KLHL5: variants seen among roughly 807,000 people sequenced by gnomAD.
The protein encoded by KLHL5 is kelch-like protein 5.
A neutral mutation model predicts 77.7 loss-of-function variants in KLHL5; 48 were observed. The ratio of observed to expected loss-of-function variants is 0.62; its 90% confidence interval spans 0.49 to 0.79. The LOEUF (loss-of-function observed/expected upper bound fraction) is 0.79, where lower values mean the gene tolerates loss of function less well. Ranked by LOEUF, KLHL5 falls within the 30% of genes least tolerant of loss-of-function variation. KLHL5 has a pLI of 0.00. For synonymous variants in KLHL5, 260 were observed against 297.0 expected (o/e 0.88, Z 1.28); for missense variants, 723 against 859.7 (o/e 0.84, Z 1.99).
intron 10 of KLHL5, among the ~76,000 whole-genome samples, chr4:39,117,888 G>A (rs924060493): frequency 6.6e-6 from 1 of 151,782 alleles, no homozygotes; most frequent in African/African-American, 2.4e-5. Context: ...CAGCATGGCC[G>A]ACATGGTGAA....
At chr4:39,107,909 T>A (rs1722170444) in intron 8 of KLHL5, among the ~76,000 whole-genome samples, 178 bp downstream of exon 8, 3 of 152,128 alleles carry the variant, frequency 2.0e-5, no homozygotes, top group South Asian at 2.1e-4. Flanking sequence ...AGCTAGGCTT[T>A]CATTTTAATG....
chr4:39,094,712 A>G (rs1003621226), intron 5 of KLHL5, among the ~76,000 whole-genome samples: 1 of 152,046 alleles, frequency 6.6e-6, no homozygotes, highest in Non-Finnish European at 1.5e-5. Context: ...TTTGAGATCT[A>G]TTTATGAGAA....
At chr4:39,093,142 G>C (rs1200496625) in intron 5 of KLHL5, 1 of 455,832 alleles carries the variant, frequency 2.2e-6, no homozygotes, top group Non-Finnish European at 4.4e-6. Context: ...AAAATGAGGA[G>C]TACCCCGATG....
chr4:39,095,421 C>T (rs1159241429), intron 5 of KLHL5, among the ~76,000 whole-genome samples: 2 of 152,054 alleles, frequency 1.3e-5, no homozygotes. Flanking sequence ...CACATAGACA[C>T]ACACAGATAC....
intron 1 of KLHL5, among the ~76,000 whole-genome samples, chr4:39,056,644 T>A (rs1458617960): frequency 1.3e-5 from 2 of 152,210 alleles, no homozygotes; most frequent in Non-Finnish European, 2.9e-5. Flanking sequence ...GTTCACACTT[T>A]AAATTTCCGG....
intron 1 of KLHL5, among the ~76,000 whole-genome samples, chr4:39,072,138 G>A (rs1324785953): frequency 6.6e-6 from 1 of 150,938 alleles, no homozygotes; most frequent in African/African-American, 2.5e-5. Flanking sequence ...ATGATGCCAG[G>A]GATCATTTTT....
At chr4:39,079,076 G>A (rs1040743580) in intron 2 of KLHL5, among the ~76,000 whole-genome samples, 6 of 152,044 alleles carry the variant, frequency 3.9e-5, no homozygotes, top group South Asian at 4.1e-4. Context: ...ATTTCAACCC[G>A]AATTTCATAG....
At chr4:39,115,736 T>C (rs1345360699) in intron 10 of KLHL5, 1 of 1,130,620 alleles carries the variant, frequency 8.8e-7, no homozygotes. Flanking sequence ...CCCATTGATA[T>C]CTGGGAGCAG....
chr4:39,096,624 T>C, intron 5 of KLHL5, 68 bp from the exon 6 acceptor site: 2 of 1,089,448 alleles, frequency 1.8e-6, no homozygotes, highest in South Asian at 1.8e-5. Flanking sequence ...GAGAACTATG[T>C]CATTTTTTTC....
chr4:39,072,711 T>C (rs1326525551), intron 1 of KLHL5, among the ~76,000 whole-genome samples: 1 of 152,128 alleles, frequency 6.6e-6, no homozygotes, highest in Non-Finnish European at 1.5e-5. Context: ...CCTCCTTAAT[T>C]CTCTTTTCCT....
In KLHL5 at chr4:39,115,510, C is replaced by T. The variant is rs796801888; in HGVS notation, c.2073+180C>T. On this transcript the variant is annotated intron_variant, in intron 10 of 10. Transcript: ENST00000504108. ...TTAATTTTATAACATAATTAAAATC[C>T]AGAATTACCTTTGAGATGTAAGTTA... The T allele has an allele frequency of 1.1e-5, 16 of 1,485,190 alleles. No homozygotes were observed. In the South Asian group the frequency reaches 2.1e-4, roughly 20 times the overall value. The allele number at this position is 1,485,190 out of a possible 1,614,324, so 92.0% of individuals were successfully genotyped here. A position where few individuals can be genotyped will look rare whatever the true frequency, so the allele number is the denominator to read the frequency against.
intron 2 of KLHL5, among the ~76,000 whole-genome samples, chr4:39,079,035 A>G (rs1719362584): frequency 6.6e-6 from 1 of 152,248 alleles, no homozygotes; most frequent in South Asian, 2.1e-4. Flanking sequence ...CAGAAAGTCC[A>G]GGTTATGAAC....
At chr4:39,065,169 T>G (rs545242936) in intron 1 of KLHL5, among the ~76,000 whole-genome samples, 2 of 152,134 alleles carry the variant, frequency 1.3e-5, no homozygotes, top group Admixed American at 6.5e-5. Context: ...TTTTCTAGAT[T>G]AAATAGATCT....
chr4:39,104,841 C>T lies in KLHL5; in HGVS notation c.1525+1330C>T, dbSNP rs1483571995. ...AGTGCAGTGGCACAATCTCGGCTCA[C>T]TGCAACTTCCGCCTCCCGGGTTCAA... On this transcript the variant is annotated intron_variant, in intron 7 of 10. Coordinates refer to ENST00000504108, the MANE Select transcript of KLHL5 (RefSeq NM_015990.5). Among the ~76,000 whole-genome samples, 3 of 152,026 alleles carry T rather than the reference C, an allele frequency of 2.0e-5. No individual in the cohort carries two copies. In the East Asian group the frequency reaches 5.8e-4, roughly 29 times the overall value.
downstream of KLHL5, among the ~76,000 whole-genome samples, chr4:39,130,014 A>T (rs1273453931): frequency 6.6e-6 from 1 of 152,130 alleles, no homozygotes; most frequent in Non-Finnish European, 1.5e-5. Flanking sequence ...GTGATTCTCA[A>T]CTACAGTGTC....
At chr4:39,051,110 CTT>C (rs894898953) in intron 1 of KLHL5, among the ~76,000 whole-genome samples, 4 of 152,224 alleles carry the variant, frequency 2.6e-5, no homozygotes, top group South Asian at 4.1e-4. Flanking sequence ...CCTAGACACT[CTT>C]TATCTGGACA....
upstream of KLHL5, among the ~76,000 whole-genome samples, chr4:39,061,927 C>A (rs1044020215): frequency 1.3e-5 from 2 of 152,142 alleles, no homozygotes; most frequent in South Asian, 4.1e-4. Flanking sequence ...TTAATTAGAT[C>A]CATTTGTTTT....
chr4:39,045,521 C>A lies in KLHL5; in HGVS notation c.-95+425C>A, dbSNP rs191619619. On this transcript the variant is annotated intron_variant, in intron 1 of 11. Transcript: ENST00000261425. ...TTTTCCTCTCCTTATTACTTGCAGG[C>A]AATTTTGACCTAAGTTTTTAAGCTT... is the stretch of plus-strand genomic sequence containing the variant. 2.6e-5 allele frequency among the ~76,000 whole-genome samples: 4 copies of A among 152,026 alleles called. No individual in the cohort carries two copies. The East Asian group carries it at 7.7e-4, about 29-fold the overall frequency.
In KLHL5 at chr4:39,076,016, T is replaced by C; in HGVS notation, c.435T>C (p.Cys145=). The change falls in exon 2 of 11, where the codon TGT becomes TGC. Residue 145 remains cysteine (C), a synonymous_variant. Coordinates refer to ENST00000504108, the MANE Select transcript of KLHL5 (RefSeq NM_015990.5). ...CATCCTGTCATACTATGGAGCCATG[T>C]ACATCAGATGAATTTTTCCAAGCCC... ...TLSSCHTMEP[C]TSDEFFQALN... 1 of 1,612,896 alleles carries C rather than the reference T, an allele frequency of 6.2e-7. No homozygotes were observed. The highest frequency in any genetic ancestry group is 1.1e-5 in the South Asian group (1 of 90,720).
Sources: allele counts gnomAD v4.1 joint callset (sites outside exome capture counted in the v4.1 genomes callset), GRCh38; gene constraint gnomAD v4.1.1; transcripts MANE v1.5; gene names NCBI Gene and HGNC (gene_info 2026-07-23, HGNC 2026-07-21).